NUCB2: variants seen among roughly 807,000 people sequenced by gnomAD.
NUCB2 encodes nucleobindin-2.
In NUCB2, 48 loss-of-function variants were observed where a neutral mutation model predicts 57.9. That is an observed-to-expected ratio of 0.83 (90% confidence interval 0.66 to 1.05). NUCB2 has a LOEUF of 1.05. Ranked by LOEUF, NUCB2 falls within the 50% of genes least tolerant of loss-of-function variation. The pLI is 0.00. For synonymous variants in NUCB2, 139 were observed against 152.1 expected, an observed-to-expected ratio of 0.91 and a Z score of 0.64; for missense variants, 442 against 476.2, an observed-to-expected ratio of 0.93 and a Z score of 0.67.
At chr11:17,320,671 G>T (rs191653060) in intron 11 of NUCB2, among the ~76,000 whole-genome samples, 2 of 152,034 alleles carry the variant, frequency 1.3e-5, no homozygotes, top group Admixed American at 1.3e-4. Flanking sequence ...AACTAAAAAA[G>T]ATTTTATTGT....
chr11:17,343,585 G>A (rs10219196), intron 2 of NUCB2, among the ~76,000 whole-genome samples: 36,107 of 151,956 alleles, frequency 0.24, 4,981 homozygotes, highest in East Asian at 0.5. Context: ...ATTTGGAGTT[G>A]TTTTACTTTT....
intron 5 of NUCB2, among the ~76,000 whole-genome samples, chr11:17,303,559 A>C (rs1273536081): frequency 6.6e-6 from 1 of 152,210 alleles, no homozygotes; most frequent in Non-Finnish European, 1.5e-5. Context: ...TTAAATAGCT[A>C]TGTAATAGAA....
chr11:17,313,265 C>T (rs1948771339), intron 10 of NUCB2, among the ~76,000 whole-genome samples: 1 of 151,820 alleles, frequency 6.6e-6, no homozygotes. Flanking sequence ...CATGATAGCT[C>T]ATGCCTATAA....
intron 3 of NUCB2, 110 bp downstream of exon 3, chr11:17,295,577 AATT>A: frequency 2.4e-6 from 2 of 816,684 alleles, no homozygotes; most frequent in Non-Finnish European, 4.0e-6. Flanking sequence ...AAATGAGAGG[AATT>A]ATAACAAAAA....
intron 5 of NUCB2, among the ~76,000 whole-genome samples, 160 bp downstream of exon 5, chr11:17,302,030 G>C (rs760777223): frequency 3.9e-5 from 6 of 152,040 alleles, no homozygotes; most frequent in Non-Finnish European, 7.4e-5. Flanking sequence ...CTCCTGAGTA[G>C]CTGAGACCAC....
At chr11:17,334,170 A>G (rs1169705019), downstream of NUCB2, 1 of 152,250 alleles carries the variant, frequency 6.6e-6, no homozygotes, top group Non-Finnish European at 1.5e-5. Flanking sequence ...GCTGTAAGCA[A>G]TGAAATCTTC....
rs1394139688 is a variant in NUCB2, at chr11:17,327,466, T to C, written c.1003-2661T>C. On this transcript the variant is annotated intron_variant, in intron 11 of 13. Transcript: ENST00000529010. The stretch of plus-strand genomic sequence containing the variant: ...TGGTGTTCTATAACCTTTTTGCACT[T>C]GAATGTTGAAATATTTTTGATATTA... Among the ~76,000 whole-genome samples, 2 of 152,224 alleles carry C rather than the reference T, an allele frequency of 1.3e-5. 1 individual carries two copies. The highest frequency in any genetic ancestry group is 2.9e-5 in the Non-Finnish European group (2 of 68,036).
intron 10 of NUCB2, among the ~76,000 whole-genome samples, chr11:17,314,745 C>T (rs1565439618): frequency 6.6e-6 from 1 of 152,160 alleles, no homozygotes; most frequent in Non-Finnish European, 1.5e-5. Context: ...GCTTCAGTAA[C>T]TTTCATCTGA....
chr11:17,346,892 TTTG>T (rs1230420356), intron 2 of NUCB2, among the ~76,000 whole-genome samples: 1 of 152,172 alleles, frequency 6.6e-6, no homozygotes, highest in Non-Finnish European at 1.5e-5. Context: ...TTGTTATGTG[TTTG>T]TTATTTTGAA....
intron 13 of NUCB2, 86 bp downstream of exon 13, chr11:17,331,069 A>G (rs1324770435): frequency 6.6e-6 from 6 of 908,560 alleles, no homozygotes; most frequent in Non-Finnish European, 1.0e-5. Context: ...ATAATTTCAA[A>G]TCATTAAGAT....
At chr11:17,300,840 A>G (rs1359438502) in intron 4 of NUCB2, among the ~76,000 whole-genome samples, 2 of 152,152 alleles carry the variant, frequency 1.3e-5, no homozygotes, top group African/African-American at 2.4e-5. Flanking sequence ...AGGAACTGCC[A>G]AACTGTTTTC....
rs756213192 is a variant in NUCB2 at position 17,315,459 on chromosome 11, A to C, written c.986A>C (p.Glu329Ala). 1.2e-6 allele frequency: 2 copies of C among 1,607,652 alleles called. No individual in the cohort carries two copies. The highest frequency in any genetic ancestry group is 1.7e-6 in the Non-Finnish European group (2 of 1,174,634). The part of the protein sequence containing the change: ...LKATEKKEFL[E>A]PDSWETLDQQ... ...GCCACAGAAAAAAAAGAATTCTTGGAGCCAGATAGCTGGGAGGTAATAGAA... is the reference window on the plus strand; with the variant it reads ...GCCACAGAAAAAAAAGAATTCTTGGCGCCAGATAGCTGGGAGGTAATAGAA... Residue 329 changes from glutamate to alanine, a missense_variant, in exon 11 of 14, where the codon GAG becomes GCG. Transcript: ENST00000529010.
intron 2 of NUCB2, among the ~76,000 whole-genome samples, chr11:17,343,047 G>T (rs895523122): frequency 2.0e-5 from 3 of 151,972 alleles, no homozygotes; most frequent in African/African-American, 7.3e-5. Context: ...TTGTTGAATT[G>T]ATCCCTTTAT....
chr11:17,309,636 C>A lies in NUCB2; in HGVS notation c.444C>A (p.Asp148Glu). The part of the protein sequence containing the change: ...QFDHLNHLNP[D>E]KFESTDLDML... ...ATCACCTAAACCACCTGAATCCTGA[C>A]AAGTTTGAATCCACAGATTTAGATA... is the stretch of plus-strand genomic sequence containing the variant. The change falls in exon 6 of 14, where the codon GAC becomes GAA. Residue 148 changes from aspartate (D) to glutamate (E), a missense_variant. Asp to Glu is a conservative substitution (Grantham distance 45). Transcript: ENST00000529010. 1 of 1,607,090 alleles carries A rather than the reference C, an allele frequency of 6.2e-7. No individual in the cohort carries two copies. The highest frequency in any genetic ancestry group is 1.1e-5 in the South Asian group (1 of 89,778).
chr11:17,295,647 G>A (rs1945711862), intron 3 of NUCB2, 180 bp downstream of exon 3: 1 of 581,528 alleles, frequency 1.7e-6, no homozygotes, highest in Non-Finnish European at 3.0e-6. Context: ...TTCTGAAATA[G>A]CAGTGAAAAG....
downstream of NUCB2, chr11:17,332,490 C>T (rs1233948367): frequency 6.7e-6 from 1 of 149,486 alleles, no homozygotes; most frequent in Non-Finnish European, 1.5e-5. Flanking sequence ...TTCTGTGTAC[C>T]TTCTTCTTCC....
chr11:17,329,998 C>G (rs377264293), intron 11 of NUCB2, 129 bp from the exon 12 acceptor site: 39 of 456,128 alleles, frequency 8.6e-5, no homozygotes, highest in East Asian at 3.8e-4. Flanking sequence ...TTTCCCCTTC[C>G]TTCTTACCTC....
At chr11:17,287,638 A>C (rs1386201450) in intron 2 of NUCB2, among the ~76,000 whole-genome samples, 1 of 145,148 alleles carries the variant, frequency 6.9e-6, no homozygotes, top group Admixed American at 7.0e-5. Flanking sequence ...GCACCACTGC[A>C]TTCTAGCCTG....
intron 3 of NUCB2, 66 bp downstream of exon 3, chr11:17,295,533 A>G: frequency 9.0e-7 from 1 of 1,110,706 alleles, no homozygotes; most frequent in South Asian, 1.4e-5. Context: ...TTGTAACTAA[A>G]TGAGGTGGAA....
Sources: gnomAD v4.1 joint callset for allele counts (sites outside exome capture counted in the v4.1 genomes callset) on GRCh38, gnomAD v4.1.1 for gene constraint, MANE v1.5 for transcripts, NCBI Gene and HGNC (gene_info 2026-07-23, HGNC 2026-07-21) for gene names.